Variants in PAX2 observed in about 807,000 individuals in gnomAD.
PAX2 encodes paired box 2.
PAX2 carries 9 observed loss-of-function variants against 41.7 expected under a neutral mutation model. The ratio of observed to expected loss-of-function variants is 0.22; its 90% CI spans 0.13 to 0.38. The LOEUF (loss-of-function observed/expected upper bound fraction) is 0.38, where lower values mean the gene tolerates loss of function less well. Ranked by LOEUF, PAX2 falls within the 10% of genes least tolerant of loss-of-function variation. The pLI is 1.00. For synonymous variants in PAX2, 221 were observed against 212.7 expected (o/e 1.04, Z -0.34); for missense variants, 418 against 531.6 (o/e 0.79, Z 2.10).
rs532321832 is a variant in PAX2 at position 100,777,097 on chromosome 10, A to ATT, written c.411-2380_411-2379dup. ...TGAGTCTTCCCTAATTGGTACTGTG[A>ATT]TTTTTTTTTTTTTTTTTTTTTTGAG... On this transcript the variant is annotated intron_variant, in intron 3 of 9. Coordinates refer to ENST00000355243, the MANE Select transcript of PAX2 (RefSeq NM_000278.5). 3.6e-3 allele frequency among the ~76,000 whole-genome samples: 445 copies of ATT among 122,322 alleles called. 2 individuals carry two copies. Among genetic ancestry groups the ATT allele is most frequent in the East Asian group, 0.034 (131 of 3,886 alleles). The allele number at this position is 122,322 out of a possible 152,430, so 80.2% of individuals were successfully genotyped here. A position where few individuals can be genotyped will look rare whatever the true frequency, so the allele number is the denominator to read the frequency against.
At chr10:100,798,242 A>G (rs990289941) in intron 5 of PAX2, among the ~76,000 whole-genome samples, 4 of 151,338 alleles carry the variant, frequency 2.6e-5, no homozygotes, top group Non-Finnish European at 5.9e-5. Context: ...CAGCCTCCCA[A>G]GTAGCCTGGA....
chr10:100,751,160 G>A (rs1373279725), intron 3 of PAX2, among the ~76,000 whole-genome samples: 2 of 152,198 alleles, frequency 1.3e-5, no homozygotes, highest in Non-Finnish European at 2.9e-5. Flanking sequence ...TGGTAATTAA[G>A]ACTCCAAGAT....
intron 3 of PAX2, among the ~76,000 whole-genome samples, chr10:100,752,791 C>T (rs890104663): frequency 1.3e-5 from 2 of 152,148 alleles, no homozygotes; most frequent in African/African-American, 4.8e-5. Context: ...AACATGCACT[C>T]CTCATTGGCT....
chr10:100,745,220 C>G (rs991708011), upstream of PAX2, among the ~76,000 whole-genome samples: 8 of 152,208 alleles, frequency 5.3e-5, no homozygotes, highest in Non-Finnish European at 7.3e-5. Flanking sequence ...AGACTGACCG[C>G]TCTTTATCCT....
At chr10:100,759,588 T>A (rs992804837) in intron 3 of PAX2, among the ~76,000 whole-genome samples, 1 of 152,146 alleles carries the variant, frequency 6.6e-6, no homozygotes, top group Non-Finnish European at 1.5e-5. Flanking sequence ...CTGCCTGCCC[T>A]CAGTCCTGCC....
chr10:100,802,504 G>A (rs1315495420), intron 5 of PAX2, among the ~76,000 whole-genome samples: 1 of 152,208 alleles, frequency 6.6e-6, no homozygotes, highest in Non-Finnish European at 1.5e-5. Context: ...AAGCAGTGGG[G>A]ATAGCACATC....
In PAX2 at chr10:100,827,804, A is replaced by T; in HGVS notation, c.*185A>T. The T allele has an allele frequency of 1.1e-6, 1 of 879,208 alleles. No individual in the cohort carries two copies. The highest frequency in any genetic ancestry group is 1.8e-6 in the Non-Finnish European group (1 of 566,588). 54.5% of individuals were successfully genotyped at this position (879,208 alleles called of 1,614,324 possible). ...TCACCCCCCTCGAAGGTCGGACAGGACGGGTGGAGCCGTGGGCGGGACCCT... is the reference window on the plus strand; with the variant it reads ...TCACCCCCCTCGAAGGTCGGACAGGTCGGGTGGAGCCGTGGGCGGGACCCT... On this transcript the variant is annotated 3_prime_UTR_variant, in exon 10 of 10. Transcript: ENST00000355243. The surrounding 1 kb of genome is among the most constrained non-coding windows in gnomAD (Gnocchi z 8.5).
chr10:100,771,130 T>C (rs1333032299), intron 3 of PAX2, among the ~76,000 whole-genome samples: 1 of 152,206 alleles, frequency 6.6e-6, no homozygotes, highest in Non-Finnish European at 1.5e-5. Context: ...TTCTGCCAGC[T>C]TTTTGGTAGG....
intron 3 of PAX2, among the ~76,000 whole-genome samples, chr10:100,778,163 C>T (rs1307911671): frequency 6.6e-6 from 1 of 152,222 alleles, no homozygotes; most frequent in Non-Finnish European, 1.5e-5. Context: ...GGCTATGTGG[C>T]TTCTTAAATG....
In PAX2 at chr10:100,781,348, A is replaced by G; in HGVS notation, c.599A>G (p.Lys200Arg). 6.2e-7 allele frequency: 1 copy of G among 1,614,004 alleles called. No individual in the cohort carries two copies. The highest frequency in any genetic ancestry group is 8.5e-7 in the Non-Finnish European group (1 of 1,179,866). Reference protein sequence around the residue: ...ILGIPRSNGEKRKRDEDVSEG... With the variant: ...ILGIPRSNGERRKRDEDVSEG... Reference sequence around the variant, plus strand: ...GGGATTCCTCGCTCCAATGGTGAGAAGAGGAAACGTGATGAAGGTAGGGAG... The same window carrying G: ...GGGATTCCTCGCTCCAATGGTGAGAGGAGGAAACGTGATGAAGGTAGGGAG... The change falls in exon 5 of 10, where the codon AAG (lysine) becomes AGG (arginine). Residue 200 changes from lysine to arginine, a missense_variant. Transcript: ENST00000355243.
At chr10:100,810,026 G>T (rs1431301338) in intron 7 of PAX2, among the ~76,000 whole-genome samples, 6 of 152,158 alleles carry the variant, frequency 3.9e-5, no homozygotes, top group Non-Finnish European at 8.8e-5. Context: ...ACGCATTGAG[G>T]TGTTATTAAA....
intron 6 of PAX2, among the ~76,000 whole-genome samples, chr10:100,807,216 C>T (rs1252552482): frequency 6.6e-6 from 1 of 152,132 alleles, no homozygotes. Context: ...CAGCAAAACG[C>T]ACAACGCAGA....
At chr10:100,763,107 A>C (rs1845895430) in intron 3 of PAX2, among the ~76,000 whole-genome samples, 1 of 152,184 alleles carries the variant, frequency 6.6e-6, no homozygotes, top group Admixed American at 6.5e-5. Context: ...TGGTTTTGTC[A>C]AATAGCTGCT....
At chr10:100,738,156 C>A (rs1054145064) in intron 1 of PAX2, among the ~76,000 whole-genome samples, 2 of 152,226 alleles carry the variant, frequency 1.3e-5, no homozygotes. Flanking sequence ...CACTGAGTTC[C>A]CAGGTTTCTT....
chr10:100,759,880 G>C (rs1048415827), intron 3 of PAX2, among the ~76,000 whole-genome samples: 1 of 152,176 alleles, frequency 6.6e-6, no homozygotes, highest in Admixed American at 6.5e-5. Context: ...CTTGGCCTGG[G>C]GGTCTTTGCT....
rs1845294390 is a variant in PAX2 at position 100,748,469 on chromosome 10, TC to T, written c.44-1273del. ...GAGAGAAATGAGGGGGGCACAGATG[TC>T]CCCGCTTTCTCCGAAACTCGCGTGA... On this transcript the variant is annotated intron_variant, in intron 1 of 9. Coordinates refer to ENST00000355243, the MANE Select transcript of PAX2 (RefSeq NM_000278.5). This position sits in a 1 kb window ranked among gnomAD's most constrained non-coding sequence, Gnocchi z 5.0. 1.0e-6 allele frequency: 1 copy of T among 984,262 alleles called. No individual in the cohort carries two copies. The highest frequency in any genetic ancestry group is 1.2e-6 in the Non-Finnish European group (1 of 829,720). 61.0% of individuals were successfully genotyped at this position (984,262 alleles called of 1,614,324 possible). A position where few individuals can be genotyped will look rare whatever the true frequency, so the allele number is the denominator to read the frequency against.
chr10:100,820,529 G>T (rs1848343539), intron 7 of PAX2, among the ~76,000 whole-genome samples: 1 of 152,150 alleles, frequency 6.6e-6, no homozygotes, highest in Non-Finnish European at 1.5e-5. Flanking sequence ...GACCAGCCTG[G>T]CCAACATGGT....
chr10:100,803,560 G>A (rs1847644464), intron 5 of PAX2, among the ~76,000 whole-genome samples: 2 of 152,020 alleles, frequency 1.3e-5, no homozygotes, highest in South Asian at 4.1e-4. Flanking sequence ...GGGCCCTGCG[G>A]CTCACCTCCC....
At chr10:100,819,764 AC>A (rs1182212053) in intron 7 of PAX2, among the ~76,000 whole-genome samples, 10 of 152,236 alleles carry the variant, frequency 6.6e-5, no homozygotes, top group Non-Finnish European at 8.8e-5. Context: ...TGAAAGTAGC[AC>A]AAATTACCTG....
Sources: gnomAD v4.1 joint callset for allele counts (sites outside exome capture counted in the v4.1 genomes callset) on GRCh38, gnomAD v4.1.1 for gene constraint, Gnocchi (gnomAD v3.1) non-coding constraint, MANE v1.5 for transcripts, NCBI Gene and HGNC (gene_info 2026-07-23, HGNC 2026-07-21) for gene names.